Variants in ERAP2 observed in about 807,000 individuals in gnomAD.
ERAP2 encodes the protein leukocyte-derived arginine aminopeptidase.
A neutral mutation model predicts 111.1 loss-of-function variants in ERAP2; 118 were observed. The observed-to-expected ratio is 1.06, with a 90% CI of 0.92 to 1.24. ERAP2 has a LOEUF of 1.24. ERAP2 is among the 50% of genes most tolerant of loss of function. ERAP2 has a pLI of 0.00. For synonymous variants in ERAP2, 410 were observed against 401.2 expected, an observed-to-expected ratio of 1.02 and a Z score of -0.26; for missense variants, 1,131 against 1,125.8, an observed-to-expected ratio of 1.00 and a Z score of -0.07.
At chr5:96,884,308 G>A (rs1221232886) in intron 3 of ERAP2, among the ~76,000 whole-genome samples, 3 of 152,168 alleles carry the variant, frequency 2.0e-5, no homozygotes, top group African/African-American at 7.2e-5. Flanking sequence ...CTAAAACTCA[G>A]ATTCTGATTC....
chr5:96,909,656 T>C lies in ERAP2; in HGVS notation c.2246T>C (p.Met749Thr). ...WSDKGSVWDR[M>T]LRSALLKLAC... ...GACAAGGGCTCAGTCTGGGACAGGA[T>C]GCTCCGCTCGGCTCTCTTGAAGCTG... is the stretch of plus-strand genomic sequence containing the variant. Residue 749 changes from methionine to threonine, a missense_variant, in exon 15 of 19, where the codon ATG (methionine) becomes ACG (threonine). Coordinates refer to ENST00000437043, the MANE Select transcript of ERAP2 (RefSeq NM_022350.5). 1 of 1,614,202 alleles carries C rather than the reference T, an allele frequency of 6.2e-7. No individual in the cohort carries two copies. The highest frequency in any genetic ancestry group is 1.3e-5 in the African/African-American group (1 of 75,052).
intron 6 of ERAP2, among the ~76,000 whole-genome samples, chr5:96,892,978 A>G (rs981719166): frequency 2.6e-5 from 4 of 152,128 alleles, no homozygotes; most frequent in Admixed American, 6.6e-5. Flanking sequence ...TTAAGTTAAT[A>G]ATAGTTCTGT....
At chr5:96,887,100 T>TATATATACACAC (rs1478213165) in intron 4 of ERAP2, among the ~76,000 whole-genome samples, 5 of 137,454 alleles carry the variant, frequency 3.6e-5, no homozygotes, top group African/African-American at 1.1e-4. Context: ...TATATATATA[T>TATATATACACAC]ACACACACAC....
upstream of ERAP2, chr5:96,876,342 C>T (rs1248058797): frequency 2.0e-5 from 3 of 152,300 alleles, no homozygotes; most frequent in Non-Finnish European, 4.4e-5. Context: ...TTTGTGCATT[C>T]TACAAAAAGT....
intron 11 of ERAP2, 72 bp downstream of exon 11, chr5:96,901,753 A>G (rs965693290): frequency 1.3e-6 from 2 of 1,481,556 alleles, no homozygotes; most frequent in Non-Finnish European, 1.8e-6. Flanking sequence ...GCTTTCTCTC[A>G]GCTCATCTGG....
chr5:96,906,790 G>A (rs188318101), intron 13 of ERAP2, among the ~76,000 whole-genome samples: 6 of 152,312 alleles, frequency 3.9e-5, no homozygotes, highest in East Asian at 3.9e-4. Context: ...CCAGTACTTC[G>A]TGAGGCCAAG....
intron 9 of ERAP2, among the ~76,000 whole-genome samples, chr5:96,897,937 C>T (rs1785031681): frequency 6.6e-6 from 1 of 152,228 alleles, no homozygotes; most frequent in Non-Finnish European, 1.5e-5. Flanking sequence ...TGGCTCACGC[C>T]TGTAATCCCA....
intron 7 of ERAP2, 24 bp downstream of exon 7, chr5:96,895,383 A>G: frequency 7.1e-7 from 1 of 1,407,502 alleles, no homozygotes; most frequent in African/African-American, 1.4e-5. Flanking sequence ...TCTGTGTATC[A>G]TACTATATGG....
intron 3 of ERAP2, among the ~76,000 whole-genome samples, chr5:96,884,686 T>C (rs1783541082): frequency 6.6e-6 from 1 of 151,904 alleles, no homozygotes; most frequent in Non-Finnish European, 1.5e-5. Flanking sequence ...GCCTCCCAAG[T>C]AGCTGGGATT....
At chr5:96,880,297 A>C in intron 2 of ERAP2, 37 bp downstream of exon 2, 1 of 1,547,014 alleles carries the variant, frequency 6.5e-7, no homozygotes, top group Admixed American at 1.9e-5. Flanking sequence ...TTCTTTTGTG[A>C]TAATTTCCTT....
At chr5:96,917,392 A>C in intron 18 of ERAP2, 70 bp from the exon 19 acceptor site, 4 of 1,287,764 alleles carry the variant, frequency 3.1e-6, no homozygotes, top group Non-Finnish European at 3.2e-6. Context: ...AAGTGCTGGG[A>C]TTACAGGTGT....
At chr5:96,881,441 T>C (rs1190534047) in intron 2 of ERAP2, 4 of 456,022 alleles carry the variant, frequency 8.8e-6, no homozygotes, top group Non-Finnish European at 1.8e-5. Flanking sequence ...CTTCATAGAG[T>C]GGACGGCTTG....
At position 96,901,492 on chromosome 5, in the gene ERAP2, A is replaced by G. The variant is rs745981090; in HGVS notation, c.1573-14A>G. 10 of 1,612,026 alleles carry G rather than the reference A, an allele frequency of 6.2e-6. No homozygotes were observed. The highest frequency in any genetic ancestry group is 8.5e-6 in the Non-Finnish European group (10 of 1,178,648). On this transcript the variant is annotated splice_polypyrimidine_tract_variant and intron_variant, in intron 10 of 18. Coordinates refer to ENST00000437043, the MANE Select transcript of ERAP2 (RefSeq NM_022350.5). ...TCCTCTCTCTTGAGTTATCATAGTCACCTGTCATTTCAGCTCGCCTTTCTG... is the reference window on the plus strand; with the variant it reads ...TCCTCTCTCTTGAGTTATCATAGTCGCCTGTCATTTCAGCTCGCCTTTCTG...
At position 96,909,637 on chromosome 5, in the gene ERAP2, G is replaced by C. The variant is rs1325808847; in HGVS notation, c.2227G>C (p.Gly743Arg). The C allele has an allele frequency of 6.2e-7, 1 of 1,614,026 alleles. No homozygotes were observed. The highest frequency in any genetic ancestry group is 8.5e-7 in the Non-Finnish European group (1 of 1,180,024). Reference sequence around the variant, plus strand: ...TGACAGGCAAAGCTGGAGTGACAAGGGCTCAGTCTGGGACAGGATGCTCCG... The same window carrying C: ...TGACAGGCAAAGCTGGAGTGACAAGCGCTCAGTCTGGGACAGGATGCTCCG... ...VIDRQSWSDK[G>R]SVWDRMLRSA... The change falls in exon 15 of 19, where the codon GGC (glycine) becomes CGC (arginine). Residue 743 changes from glycine (G) to arginine (R), a missense_variant. Around this residue, in one of 3 missense-constraint regions of ERAP2, gnomAD observed 279 missense variants for 250.9 expected, o/e 1.11. Coordinates refer to ENST00000437043, the MANE Select transcript of ERAP2 (RefSeq NM_022350.5).
intron 18 of ERAP2, 87 bp from the exon 19 acceptor site, chr5:96,917,375 C>A: frequency 7.6e-7 from 1 of 1,317,754 alleles, no homozygotes; most frequent in Non-Finnish European, 1.0e-6. Context: ...CCCACCTTGG[C>A]CTCCCGAAGT....
At chr5:96,909,886 T>A in intron 15 of ERAP2, 122 bp downstream of exon 15, 1 of 945,880 alleles carries the variant, frequency 1.1e-6, no homozygotes, top group Non-Finnish European at 1.6e-6. Flanking sequence ...TGCTGGGCAT[T>A]ACAAACCCTG....
chr5:96,887,931 G>T (rs563845939), intron 4 of ERAP2, among the ~76,000 whole-genome samples: 2 of 152,174 alleles, frequency 1.3e-5, no homozygotes, highest in African/African-American at 4.8e-5. Flanking sequence ...TTTGAGACCA[G>T]CCTGGCCAAC....
In ERAP2 at chr5:96,886,735, C is replaced by T; in HGVS notation, c.795C>T (p.Ala265=). The change falls in exon 4 of 19, where the codon GCC becomes GCT. Residue 265 remains alanine (A), a synonymous_variant. Coordinates refer to ENST00000437043, the MANE Select transcript of ERAP2 (RefSeq NM_022350.5). ...TAAAAATGAGTACATACCTTGTAGC[C>T]TACATAGTTTGTGATTTCCACTCTC... ...TTVKMSTYLV[A]YIVCDFHSLS... The T allele has an allele frequency of 6.5e-7, 1 of 1,538,806 alleles. No homozygotes were observed. Among genetic ancestry groups the T allele is most frequent in the Non-Finnish European group, 8.9e-7 (1 of 1,128,848 alleles).
chr5:96,889,584 TG>T, intron 5 of ERAP2: 1 of 672,894 alleles, frequency 1.5e-6, no homozygotes. Context: ...GGGCACACAC[TG>T]GAGGCTGGGA....
Sources: allele counts gnomAD v4.1 joint callset (sites outside exome capture counted in the v4.1 genomes callset), GRCh38; gene constraint gnomAD v4.1.1; regional missense constraint gnomAD v4.1.1; transcripts MANE v1.5; gene names NCBI Gene and HGNC (gene_info 2026-07-23, HGNC 2026-07-21).